ZCCHC9: variants seen among roughly 807,000 people sequenced by gnomAD.
The protein encoded by ZCCHC9 is zinc finger CCHC-type containing 9, also known as zinc finger CCHC domain-containing protein 9.
Under a neutral mutation model 30.8 loss-of-function variants are expected in ZCCHC9, and 18 were observed. The ratio of observed to expected loss-of-function variants is 0.58; its 90% CI spans 0.40 to 0.87. The LOEUF (loss-of-function observed/expected upper bound fraction) is 0.87, where lower values mean the gene tolerates loss of function less well. Among genes scored for constraint, ZCCHC9 ranks in the 40% least tolerant of loss-of-function variants. ZCCHC9 has a pLI of 0.00. For missense variants in ZCCHC9, 279 were observed against 331.2 expected (o/e 0.84, Z 1.22); for synonymous variants, 94 against 106.7 (o/e 0.88, Z 0.73).
chr5:81,312,121 C>T (rs1758308596), intron 5 of ZCCHC9, among the ~76,000 whole-genome samples: 1 of 152,114 alleles, frequency 6.6e-6, no homozygotes, highest in Non-Finnish European at 1.5e-5. Flanking sequence ...TTGAATTCTC[C>T]CTCCTGGGAG....
intron 1 of ZCCHC9, 77 bp downstream of exon 1, chr5:81,301,775 T>C (rs532936998): frequency 6.5e-6 from 1 of 152,758 alleles, no homozygotes; most frequent in East Asian, 1.9e-4. Flanking sequence ...CGTGGGAAGC[T>C]GGGAGGACAG....
intron 5 of ZCCHC9, among the ~76,000 whole-genome samples, chr5:81,311,664 C>T (rs1165416272): frequency 2.0e-5 from 3 of 152,054 alleles, no homozygotes; most frequent in Admixed American, 2.0e-4. Flanking sequence ...CTTATGTATG[C>T]TTTGCTTTGT....
chr5:81,305,065 T>C lies in ZCCHC9; in HGVS notation c.308T>C (p.Ile103Thr). The change falls in exon 2 of 6, where the codon ATT (isoleucine) becomes ACT (threonine). Residue 103 changes from isoleucine (I) to threonine (T), a missense_variant. By Grantham distance (89) the Ile-to-Thr change is moderately conservative. Transcript: ENST00000407610. ...GACAGTGAGGAAGTAAGGGAAGAAA[T>C]TGCAGTTGCTTTAAAGAAAGACAGT... ...ATDSEEVREE[I>T]AVALKKDSRR... is the part of the protein sequence containing the mutation. The C allele has an allele frequency of 6.2e-7, 1 of 1,611,622 alleles. No individual in the cohort carries two copies. Among genetic ancestry groups the C allele is most frequent in the Non-Finnish European group, 8.5e-7 (1 of 1,179,492 alleles).
At chr5:81,308,022 A>T (rs200102186) in intron 2 of ZCCHC9, among the ~76,000 whole-genome samples, 15 of 68,332 alleles carry the variant, frequency 2.2e-4, no homozygotes, top group African/African-American at 5.4e-4. Flanking sequence ...AAAAAAAAAA[A>T]ATCTATCTAT....
intron 2 of ZCCHC9, among the ~76,000 whole-genome samples, chr5:81,307,544 T>C (rs1047271892): frequency 6.6e-6 from 1 of 151,878 alleles, no homozygotes; most frequent in Non-Finnish European, 1.5e-5. Context: ...TCCCAGCTAC[T>C]TGGGAGGCTG....
At chr5:81,305,719 C>T (rs751974221) in intron 2 of ZCCHC9, among the ~76,000 whole-genome samples, 9 of 152,102 alleles carry the variant, frequency 5.9e-5, no homozygotes, top group Non-Finnish European at 1.2e-4. Context: ...TGTGATCAAC[C>T]GCTGCATTTC....
intron 2 of ZCCHC9, 171 bp from the exon 3 acceptor site, chr5:81,308,390 A>G: frequency 1.4e-6 from 1 of 711,768 alleles, no homozygotes; most frequent in Non-Finnish European, 2.1e-6. Flanking sequence ...TCTGATGGAA[A>G]GGATATCTCG....
At chr5:81,304,706 G>T in intron 1 of ZCCHC9, 35 bp from the exon 2 acceptor site, 1 of 1,513,678 alleles carries the variant, frequency 6.6e-7, no homozygotes, top group Non-Finnish European at 8.8e-7. Flanking sequence ...GTTGTTGATG[G>T]CTAACCACCC....
chr5:81,308,031 A>ATCTATCTATCTATCTG (rs1561305963), intron 2 of ZCCHC9, among the ~76,000 whole-genome samples: 1 of 122,630 alleles, frequency 8.2e-6, no homozygotes, highest in East Asian at 2.0e-4. Flanking sequence ...AAATCTATCT[A>ATCTATCTATCTATCTG]TCTATCTATC....
intron 2 of ZCCHC9, 90 bp downstream of exon 2, chr5:81,305,231 G>T: frequency 6.8e-7 from 1 of 1,479,196 alleles, no homozygotes; most frequent in East Asian, 2.4e-5. Context: ...GCCAGCTCTG[G>T]TTACCATTAT....
At chr5:81,311,383 A>G in intron 5 of ZCCHC9, 104 bp downstream of exon 5, 6 of 1,183,476 alleles carry the variant, frequency 5.1e-6, no homozygotes, top group Non-Finnish European at 7.5e-6. Flanking sequence ...AATGATTTTA[A>G]GACAACCTGT....
Position 81,304,868 on chromosome 5 carries a change from A to G in ZCCHC9, c.111A>G (p.Pro37=). The G allele has an allele frequency of 6.2e-7, 1 of 1,614,198 alleles. No homozygotes were observed. The highest frequency in any genetic ancestry group is 8.5e-7 in the Non-Finnish European group (1 of 1,180,032). Residue 37 remains proline (P), a synonymous_variant, in exon 2 of 6, where the codon CCA becomes CCG. Transcript: ENST00000407610. ...GSFEGTSQNL[P]KRKQLEANRL... ...TTGAGGGAACAAGCCAAAACCTACCAAAGCGTAAACAACTTGAAGCCAATA... is the reference window on the plus strand; with the variant it reads ...TTGAGGGAACAAGCCAAAACCTACCGAAGCGTAAACAACTTGAAGCCAATA...
intron 4 of ZCCHC9, 126 bp from the exon 5 acceptor site, chr5:81,311,085 T>A (rs757259803): frequency 1.1e-6 from 1 of 909,816 alleles, no homozygotes; most frequent in Non-Finnish European, 1.8e-6. Context: ...CTCCCTATGA[T>A]CCTGGTCTAG....
intron 4 of ZCCHC9, 98 bp downstream of exon 4, chr5:81,309,136 A>G (rs1461311340): frequency 9.7e-6 from 9 of 930,786 alleles, no homozygotes; most frequent in Non-Finnish European, 1.4e-5. Flanking sequence ...ATTCTTGAAT[A>G]AATTGCAAAA....
intron 4 of ZCCHC9, among the ~76,000 whole-genome samples, chr5:81,310,896 G>A (rs577503021): frequency 1.3e-5 from 2 of 152,310 alleles, no homozygotes; most frequent in South Asian, 4.1e-4. Flanking sequence ...ACTCTTGATT[G>A]TCTAAGCATT....
chr5:81,304,112 T>C (rs1207760531), intron 1 of ZCCHC9: 1 of 152,234 alleles, frequency 6.6e-6, no homozygotes, highest in Admixed American at 6.5e-5. Context: ...CAAGTCATAA[T>C]TTAAATAGAA....
In ZCCHC9 at chr5:81,304,943, AAAG is replaced by A. The variant is rs1439065909; in HGVS notation, c.189_191del (p.Lys65del). On this transcript the variant is annotated inframe_deletion, in exon 2 of 6. Coordinates refer to ENST00000407610, the MANE Select transcript of ZCCHC9 (RefSeq NM_001131035.2). ...CCCAAGCAAAACATAAAAAGAACAA[AAAG>A]AAAAAAGAGTACTTAAATGAAGATG... The A allele has an allele frequency of 6.2e-7, 1 of 1,613,708 alleles. No homozygotes were observed. Among genetic ancestry groups the A allele is most frequent in the Non-Finnish European group, 8.5e-7 (1 of 1,179,950 alleles).
At position 81,305,056 on chromosome 5, in the gene ZCCHC9, G is replaced by T. The variant is rs1758050860; in HGVS notation, c.299G>T (p.Arg100Met). 7.4e-6 allele frequency: 12 copies of T among 1,612,932 alleles called. No individual in the cohort carries two copies. Among genetic ancestry groups the T allele is most frequent in the Non-Finnish European group, 5.1e-6 (6 of 1,179,788 alleles). The part of the protein sequence containing the change: ...QIIATDSEEV[R>M]EEIAVALKKD... ...ATAGCAACAGACAGTGAGGAAGTAA[G>T]GGAAGAAATTGCAGTTGCTTTAAAG... The change falls in exon 2 of 6, where the codon AGG becomes ATG. Residue 100 changes from arginine (R) to methionine (M), a missense_variant. Physicochemically the swap from Arg to Met is moderately conservative, Grantham distance 91 (BLOSUM62 -1). Coordinates refer to ENST00000407610, the MANE Select transcript of ZCCHC9 (RefSeq NM_001131035.2).
rs200630551 is a variant in ZCCHC9, at chr5:81,308,947, C to T, written c.537C>T (p.Gly179=). The change falls in exon 4 of 6, where the codon GGC becomes GGT. Residue 179 remains glycine (G), a splice_region_variant and synonymous_variant. Transcript: ENST00000407610. The stretch of plus-strand genomic sequence containing the variant: ...AATAGGAACTGTTGATTTTTACAGG[C>T]GAATTTCCTTTTGCAAAATGTTTTG... ...KCKAKVDPAL[G]EFPFAKCFVC... 51 of 1,611,994 alleles carry T rather than the reference C, an allele frequency of 3.2e-5. No individual in the cohort carries two copies. The highest frequency in any genetic ancestry group is 1.1e-4 in the East Asian group (5 of 44,804).
Sources: allele counts gnomAD v4.1 joint callset (sites outside exome capture counted in the v4.1 genomes callset), GRCh38; gene constraint gnomAD v4.1.1; transcripts MANE v1.5; gene names NCBI Gene and HGNC (gene_info 2026-07-23, HGNC 2026-07-21).